The following ZNF232 variants were observed in gnomAD, a reference collection of about 807,000 sequenced individuals.
The protein encoded by ZNF232 is zinc finger protein 232, also known as zinc finger and SCAN domain-containing protein 11.
ZNF232 carries 25 observed loss-of-function variants against 25.2 expected under a neutral mutation model. The ratio of observed to expected loss-of-function variants is 0.99; its 90% CI spans 0.72 to 1.39. The LOEUF is 1.39. Ranked by LOEUF, ZNF232 falls within the 40% of genes most tolerant of loss-of-function variation. ZNF232 has a pLI of 0.00. For missense variants in ZNF232, 519 were observed against 520.9 expected (o/e 1.00, Z 0.04); for synonymous variants, 193 against 182.9 (o/e 1.06, Z -0.45).
chr17:5,120,937 A>T (rs181474446), intron 1 of ZNF232: 68 of 454,512 alleles, frequency 1.5e-4, no homozygotes, highest in African/African-American at 1.3e-3. Context: ...TTCGATGTAA[A>T]ATGTGAGGCT....
chr17:5,120,859 G>A (rs1392489893), intron 1 of ZNF232: 1 of 454,526 alleles, frequency 2.2e-6, no homozygotes, highest in Non-Finnish European at 4.4e-6. Flanking sequence ...CAGCTGGAAC[G>A]CTGGCAGATC....
At chr17:5,122,573 GC>G (rs1419011221) in intron 1 of ZNF232, among the ~76,000 whole-genome samples, 2 of 152,344 alleles carry the variant, frequency 1.3e-5, no homozygotes, top group Non-Finnish European at 1.5e-5. Flanking sequence ...CCAGCCCTGG[GC>G]CCCCTCCCCA....
intron 3 of ZNF232, among the ~76,000 whole-genome samples, chr17:5,107,933 A>G (rs1157774342): frequency 1.3e-5 from 2 of 152,176 alleles, no homozygotes; most frequent in African/African-American, 2.4e-5. Flanking sequence ...AAAATCACAC[A>G]ATAGCTAGCT....
chr17:5,114,434 T>C (rs1258699209), upstream of ZNF232: 1 of 152,386 alleles, frequency 6.6e-6, no homozygotes, highest in Admixed American at 6.5e-5. Context: ...GTGAATTCTT[T>C]GATGCTGAAT....
chr17:5,110,188 G>A (rs751202273), intron 1 of ZNF232, among the ~76,000 whole-genome samples: 9 of 135,254 alleles, frequency 6.7e-5, no homozygotes, highest in South Asian at 2.2e-4. Flanking sequence ...CACCGCGCCC[G>A]TCCTCCTCTT....
At chr17:5,111,396 C>T in intron 1 of ZNF232, 1 of 287,526 alleles carries the variant, frequency 3.5e-6, no homozygotes, top group Non-Finnish European at 6.5e-6. Context: ...GACCGCTGGC[C>T]TAAGACAAAG....
chr17:5,107,394 G>GAAAA (rs749338515), intron 3 of ZNF232, among the ~76,000 whole-genome samples: 61 of 60,662 alleles, frequency 1.0e-3, no homozygotes, highest in African/African-American at 2.2e-3. Context: ...TCTCAAAAAG[G>GAAAA]AAAAAAAAAA....
At chr17:5,113,921 C>G (rs141643257), upstream of ZNF232, 91 of 152,228 alleles carry the variant, frequency 6.0e-4, no homozygotes, top group African/African-American at 2.1e-3. Flanking sequence ...TGGAACCTCT[C>G]ATGATAAAGC....
chr17:5,108,755 T>G (rs2072322281), intron 3 of ZNF232, 171 bp downstream of exon 3: 1 of 1,022,830 alleles, frequency 9.8e-7, no homozygotes, highest in African/African-American at 1.6e-5. Flanking sequence ...CTCCTAATTT[T>G]ATGAGTGATG....
Position 5,120,095 on chromosome 17 carries a change from C to G in ZNF232, c.-530+2882G>C, listed in dbSNP as rs138300326. Among the ~76,000 whole-genome samples the G allele has an allele frequency of 2.6e-3, 391 of 152,298 alleles. 2 individuals carry two copies. Among genetic ancestry groups the G allele is most frequent in the Middle Eastern group, 0.017 (5 of 294 alleles). On this transcript the variant is annotated intron_variant, in intron 1 of 4. Transcript: ENST00000250076. ...CTTCTCAGCCGAGTTCTGTGCTGCT[C>G]TAAGCTGGGGAAGCCTACTCCCCAA...
At chr17:5,109,083 A>T (rs1191652651) in intron 2 of ZNF232, 31 bp from the exon 3 acceptor site, 6 of 1,613,148 alleles carry the variant, frequency 3.7e-6, no homozygotes, top group Non-Finnish European at 5.1e-6. Context: ...CTCAGTTTAA[A>T]TTTTCTTCAA....
At chr17:5,120,741 T>C (rs1300160074) in intron 1 of ZNF232, 1 of 438,314 alleles carries the variant, frequency 2.3e-6, no homozygotes, top group African/African-American at 2.0e-5. Context: ...GGACAAGAAA[T>C]TGGTGGAGAA....
intron 1 of ZNF232, among the ~76,000 whole-genome samples, chr17:5,122,415 A>G (rs1394585930): frequency 6.6e-6 from 1 of 152,182 alleles, no homozygotes; most frequent in African/African-American, 2.4e-5. Context: ...TTCAGCTGGC[A>G]GTATCCTGGA....
At chr17:5,112,857 CAG>C (rs1195861474), upstream of ZNF232, among the ~76,000 whole-genome samples, 1 of 151,744 alleles carries the variant, frequency 6.6e-6, no homozygotes, top group African/African-American at 2.4e-5. Flanking sequence ...CCCCACTACT[CAG>C]GAGGCAGGAG....
chr17:5,109,279 G>GCT, intron 2 of ZNF232, 115 bp downstream of exon 2: 1 of 1,322,746 alleles, frequency 7.6e-7, no homozygotes, highest in Non-Finnish European at 1.1e-6. Flanking sequence ...CATACTAACT[G>GCT]CTCTACCTGG....
Position 5,109,757 on chromosome 17 carries a change from TCCCTGTGTA to T in ZNF232, c.126_134del (p.Thr43_Gly45del). 1.9e-6 allele frequency: 3 copies of T among 1,614,078 alleles called. No homozygotes were observed. The African/African-American group carries it at 4.0e-5, about 22-fold the overall frequency. On this transcript the variant is annotated inframe_deletion, in exon 2 of 4. Coordinates refer to ENST00000575898, the Ensembl canonical transcript of ZNF232. ...GTCCCATCATCATCATCTTCTCTTG[TCCCTGTGTA>T]CCCTGAAGGGCCAGAGTTTCAGCTG... is the stretch of plus-strand genomic sequence containing the variant.
exon 3 of ZNF232, chr17:5,108,940 G>C (rs149710317): frequency 6.2e-7 from 1 of 1,614,014 alleles, no homozygotes; most frequent in South Asian, 1.1e-5. Context: ...CTTTGGGAAA[G>C]GCTGGGTCTC....
chr17:5,111,455 G>C, intron 1 of ZNF232: 1 of 410,622 alleles, frequency 2.4e-6, no homozygotes, highest in East Asian at 4.1e-5. Context: ...GTGATGCCCG[G>C]CGCCGCTGGC....
intron 1 of ZNF232, 34 bp from the exon 2 acceptor site, chr17:5,109,902 T>C: frequency 3.2e-6 from 5 of 1,548,070 alleles, no homozygotes; most frequent in Non-Finnish European, 4.3e-6. Flanking sequence ...CCTCTTTTTT[T>C]TTTTTAAGAC....
Sources: allele counts gnomAD v4.1 joint callset (sites outside exome capture counted in the v4.1 genomes callset), GRCh38; gene constraint gnomAD v4.1.1; transcripts MANE v1.5; gene names NCBI Gene and HGNC (gene_info 2026-07-23, HGNC 2026-07-21).